GSK3A: variants seen among roughly 807,000 people sequenced by gnomAD.
GSK3A encodes the protein glycogen synthase kinase 3 alpha.
A neutral mutation model predicts 56.6 loss-of-function variants in GSK3A; 14 were observed. That is an observed-to-expected ratio of 0.25 (90% CI 0.16 to 0.39). The LOEUF is 0.39. GSK3A is among the 10% of genes least tolerant of loss of function. The pLI, the probability that GSK3A is intolerant of heterozygous loss-of-function variation, is 1.00. For missense variants in GSK3A, 450 were observed against 656.0 expected, an observed-to-expected ratio of 0.69 and a Z score of 3.43; for synonymous variants, 301 against 285.0, an observed-to-expected ratio of 1.06 and a Z score of -0.56.
rs192944742 is a variant in GSK3A, at chr19:42,237,223, A to T, written c.472-282T>A. Among the ~76,000 whole-genome samples, 412 of 151,678 alleles carry T rather than the reference A, an allele frequency of 2.7e-3. 2 individuals are homozygous for T. The highest frequency in any genetic ancestry group is 4.0e-3 in the Non-Finnish European group (272 of 67,888). ...TGCCAGGCTGGCATGCAGTGGCTCAATATCGGCTCACTGCAACCTCTGCCT... is the reference window on the plus strand; with the variant it reads ...TGCCAGGCTGGCATGCAGTGGCTCATTATCGGCTCACTGCAACCTCTGCCT... On this transcript the variant is annotated intron_variant, in intron 2 of 10. Transcript: ENST00000222330.
intron 10 of GSK3A, among the ~76,000 whole-genome samples, chr19:42,231,216 C>T (rs556998921): frequency 6.6e-6 from 1 of 152,150 alleles, no homozygotes; most frequent in Non-Finnish European, 1.5e-5. Context: ...AAAAATAAGC[C>T]AGGCATGGTG....
chr19:42,231,539 T>C (rs904349977), intron 10 of GSK3A, among the ~76,000 whole-genome samples: 3 of 151,960 alleles, frequency 2.0e-5, no homozygotes, highest in African/African-American at 7.2e-5. Context: ...CCCAACACTT[T>C]AGGAGGCCAA....
intron 4 of GSK3A, among the ~76,000 whole-genome samples, chr19:42,235,925 C>T (rs141702862): frequency 2.0e-5 from 3 of 152,292 alleles, no homozygotes; most frequent in Non-Finnish European, 4.4e-5. Flanking sequence ...GAGCCCACGT[C>T]GGCTCACCCG....
In GSK3A at chr19:42,232,663, G is replaced by A. The variant is rs746066994; in HGVS notation, c.1118C>T (p.Pro373Leu). 11 of 1,585,032 alleles carry A rather than the reference G, an allele frequency of 6.9e-6. No individual in the cohort carries two copies. Among genetic ancestry groups the A allele is most frequent in the African/African-American group, 2.7e-5 (2 of 74,302 alleles). Residue 373 changes from proline (P) to leucine (L), a missense_variant, in exon 9 of 11, where the codon CCG (proline) becomes CTG (leucine). Pro to Leu is a moderately conservative substitution (Grantham distance 98, BLOSUM62 -3). This residue lies in a region of GSK3A where 113 missense variants were observed against 147.5 expected (regional missense o/e 0.77). Coordinates refer to ENST00000222330, the MANE Select transcript of GSK3A (RefSeq NM_019884.3). ...PWTKVFKSRT[P>L]PEAIALCSSL... ...AGAGCAGAGCGCGATGGCCTCTGGC[G>A]GCGTTCGAGATTTGAACACCTGAGG...
In GSK3A at chr19:42,239,980, T is replaced by C; in HGVS notation, c.446A>G (p.Lys149Arg). The change falls in exon 2 of 11, where the codon AAG (lysine) becomes AGG (arginine). Residue 149 changes from lysine (K) to arginine (R), a missense_variant. This residue lies in a region of GSK3A where 144 missense variants were observed against 308.0 expected (regional missense o/e 0.47). Transcript: ENST00000222330. ...AETRELVAIK[K>R]VLQDKRFKNR... ...CTTGAACCTCTTGTCCTGGAGAACCTTCTTGATGGCGACTAGTTCCCTGGT... is the reference window on the plus strand; with the variant it reads ...CTTGAACCTCTTGTCCTGGAGAACCCTCTTGATGGCGACTAGTTCCCTGGT... 1 of 1,614,172 alleles carries C rather than the reference T, an allele frequency of 6.2e-7. No individual in the cohort carries two copies. The highest frequency in any genetic ancestry group is 1.1e-5 in the South Asian group (1 of 91,086).
In GSK3A at chr19:42,233,486, T is replaced by C. The variant is rs2036238024; in HGVS notation, c.905-103A>G. On this transcript the variant is annotated intron_variant, in intron 6 of 10. Coordinates refer to ENST00000222330, the MANE Select transcript of GSK3A (RefSeq NM_019884.3). The stretch of plus-strand genomic sequence containing the variant: ...ATCCTAAGAGTGTCAGGAGCCCCGT[T>C]TTCTCAAAGACAAAGCACCTGGCCC... 3 of 765,450 alleles carry C rather than the reference T, an allele frequency of 3.9e-6. No individual in the cohort carries two copies. The Admixed American group carries it at 8.0e-5, about 20-fold the overall frequency. 47.4% of individuals were successfully genotyped at this position (765,450 alleles called of 1,614,324 possible).
chr19:42,236,919 C>T lies in GSK3A; in HGVS notation c.494G>A (p.Arg165His). The change falls in exon 3 of 11, where the codon CGT becomes CAT. Residue 165 changes from arginine (R) to histidine (H), a missense_variant. By Grantham distance (29) the Arg-to-His change is conservative (BLOSUM62 0). Coordinates refer to ENST00000222330, the MANE Select transcript of GSK3A (RefSeq NM_019884.3). ...RFKNRELQIM[R>H]KLDHCNIVRL... ...CACAATATTGCAGTGGTCCAGCTTA[C>T]GCATGATCTGCAGCTCTCGGTTCTT... The T allele has an allele frequency of 1.9e-6, 3 of 1,612,392 alleles. No homozygotes were observed. The highest frequency in any genetic ancestry group is 2.5e-6 in the Non-Finnish European group (3 of 1,178,464).
intron 1 of GSK3A, 118 bp downstream of exon 1, chr19:42,242,065 G>T: frequency 1.1e-6 from 1 of 878,736 alleles, no homozygotes; most frequent in Non-Finnish European, 1.5e-6. Context: ...CGGATCCCCG[G>T]TATGGGGAGG....
At chr19:42,232,934 G>A (rs2036233638) in intron 8 of GSK3A, 176 bp downstream of exon 8, 3 of 596,320 alleles carry the variant, frequency 5.0e-6, no homozygotes, top group African/African-American at 3.8e-5. Context: ...ATTTACTTGT[G>A]GGTTCTCAAC....
chr19:42,235,394 T>C (rs576742210), intron 4 of GSK3A, among the ~76,000 whole-genome samples: 1 of 152,260 alleles, frequency 6.6e-6, no homozygotes, highest in South Asian at 2.1e-4. Flanking sequence ...AAACCACCCC[T>C]GAGCCTGCCC....
At chr19:42,233,688 C>A (rs921688691) in intron 6 of GSK3A, among the ~76,000 whole-genome samples, 4 of 152,196 alleles carry the variant, frequency 2.6e-5, no homozygotes, top group African/African-American at 9.7e-5. Flanking sequence ...TGCCAACAGG[C>A]ACCCATGTTC....
Position 42,233,126 on chromosome 19 carries a change from G to A in GSK3A, c.1082C>T (p.Ala361Val), listed in dbSNP as rs2146936049. 2 of 1,600,000 alleles carry A rather than the reference G, an allele frequency of 1.3e-6. No individual in the cohort carries two copies. The highest frequency in any genetic ancestry group is 1.7e-6 in the Non-Finnish European group (2 of 1,172,224). Reference sequence around the variant, plus strand: ...CTGCCCCACCTTTGTCCAGGGGTGAGCTTTAATCTGAGGGAACTTGAACTC... The same window carrying A: ...CTGCCCCACCTTTGTCCAGGGGTGAACTTTAATCTGAGGGAACTTGAACTC... ...YTEFKFPQIK[A>V]HPWTKVFKSR... is the part of the protein sequence containing the mutation. The change falls in exon 8 of 11, where the codon GCT becomes GTT. Residue 361 changes from alanine to valine, a missense_variant. Ala to Val is a moderately conservative substitution (Grantham distance 64). Around this residue, in one of 3 missense-constraint regions of GSK3A, gnomAD observed 144 missense variants for 308.0 expected, o/e 0.47. Transcript: ENST00000222330.
intron 1 of GSK3A, 22 bp from the exon 2 acceptor site, chr19:42,240,164 C>T (rs749340590): frequency 2.5e-6 from 4 of 1,609,172 alleles, no homozygotes; most frequent in African/African-American, 1.3e-5. Flanking sequence ...AGGGGATACA[C>T]GATCCACTGA....
At chr19:42,236,746 A>G in intron 3 of GSK3A, 30 bp from the exon 4 acceptor site, 1 of 1,558,332 alleles carries the variant, frequency 6.4e-7, no homozygotes, top group South Asian at 1.1e-5. Context: ...GGTGTGAGGC[A>G]CTGTGAGAAG....
chr19:42,234,511 C>T lies in GSK3A; in HGVS notation c.797+37G>A. 1.9e-6 allele frequency: 3 copies of T among 1,612,614 alleles called. No homozygotes were observed. Among genetic ancestry groups the T allele is most frequent in the South Asian group, 1.1e-5 (1 of 91,068 alleles). ...ACGTGAGGCAAGGGTTGGGGTCCCCCCTGCCTCTTCAGCCACCCAACATGC... is the reference window on the plus strand; with the variant it reads ...ACGTGAGGCAAGGGTTGGGGTCCCCTCTGCCTCTTCAGCCACCCAACATGC... On this transcript the variant is annotated intron_variant, in intron 5 of 10. Transcript: ENST00000222330. The surrounding 1 kb of genome is among the most constrained non-coding windows in gnomAD (Gnocchi z 5.7).
In GSK3A at chr19:42,232,531, C is replaced by T. The variant is rs1205340289; in HGVS notation, c.1250G>A (p.Arg417His). ...GAAGTTGAAGAGAGGGGGAAGTGGG[C>T]GGTTGTTAGGCAGCTGGGTTCCCAG... The part of the protein sequence containing the change: ...RCLGTQLPNN[R>H]PLPPLFNFSA... Residue 417 changes from arginine (R) to histidine (H), a missense_variant, in exon 9 of 11, where the codon CGC becomes CAC. Around this residue, in one of 3 missense-constraint regions of GSK3A, gnomAD observed 113 missense variants for 147.5 expected, o/e 0.77. Coordinates refer to ENST00000222330, the MANE Select transcript of GSK3A (RefSeq NM_019884.3). The T allele has an allele frequency of 6.2e-6, 10 of 1,613,988 alleles. No homozygotes were observed. In the African/African-American group the frequency reaches 8.0e-5, roughly 13 times the overall value.
chr19:42,235,504 A>AG lies in GSK3A; in HGVS notation c.667-827dup, dbSNP rs1330834193. On this transcript the variant is annotated intron_variant, in intron 4 of 10. Coordinates refer to ENST00000222330, the MANE Select transcript of GSK3A (RefSeq NM_019884.3). ...AGTTTCAGTTACTGCTGCATCCCCCAGGGCCTAGACAGACCAGGTCCTGAC... is the reference window on the plus strand; with the variant it reads ...AGTTTCAGTTACTGCTGCATCCCCCAGGGGCCTAGACAGACCAGGTCCTGAC... 3.3e-5 allele frequency among the ~76,000 whole-genome samples: 5 copies of AG among 152,228 alleles called. No homozygotes were observed. In the East Asian group the frequency reaches 9.6e-4, roughly 29 times the overall value.
At chr19:42,231,969 C>T in intron 10 of GSK3A, 88 bp downstream of exon 10, 2 of 681,020 alleles carry the variant, frequency 2.9e-6, no homozygotes, top group Non-Finnish European at 5.1e-6. Flanking sequence ...TTTAAAAATA[C>T]ATTCAGGAAA....
At position 42,234,527 on chromosome 19, in the gene GSK3A, C is replaced by A; in HGVS notation, c.797+21G>T. 1 of 1,612,420 alleles carries A rather than the reference C, an allele frequency of 6.2e-7. No individual in the cohort carries two copies. Among genetic ancestry groups the A allele is most frequent in the Non-Finnish European group, 8.5e-7 (1 of 1,178,550 alleles). On this transcript the variant is annotated intron_variant, in intron 5 of 10. Coordinates refer to ENST00000222330, the MANE Select transcript of GSK3A (RefSeq NM_019884.3). This position sits in a 1 kb window ranked among gnomAD's most constrained non-coding sequence, Gnocchi z 5.7. Reference sequence around the variant, plus strand: ...GGGGTCCCCCCTGCCTCTTCAGCCACCCAACATGCCCCAGGCCCACCTGCC... The same window carrying A: ...GGGGTCCCCCCTGCCTCTTCAGCCAACCAACATGCCCCAGGCCCACCTGCC...
Sources: gnomAD v4.1 joint callset for allele counts (sites outside exome capture counted in the v4.1 genomes callset) on GRCh38, gnomAD v4.1.1 for gene constraint, gnomAD v4.1.1 regional missense constraint, Gnocchi (gnomAD v3.1) non-coding constraint, MANE v1.5 for transcripts, NCBI Gene and HGNC (gene_info 2026-07-23, HGNC 2026-07-21) for gene names.